SMTNL2: variants seen among roughly 807,000 people sequenced by gnomAD.
SMTNL2 encodes the protein smoothelin-like protein 2.
A neutral mutation model predicts 44.1 loss-of-function variants in SMTNL2; 43 were observed. That is an observed-to-expected ratio of 0.98 (90% CI 0.76 to 1.26). The LOEUF (loss-of-function observed/expected upper bound fraction) is 1.26. Ranked by LOEUF, SMTNL2 falls within the 50% of genes most tolerant of loss-of-function variation. The pLI, the probability that SMTNL2 is intolerant of heterozygous loss-of-function variation, is 0.00. For missense variants in SMTNL2, 646 were observed against 670.2 expected (o/e 0.96, Z 0.40); for synonymous variants, 317 against 287.6 (o/e 1.10, Z -1.03).
At chr17:4,589,080 A>G (rs1057145996) in intron 1 of SMTNL2, among the ~76,000 whole-genome samples, 1 of 152,104 alleles carries the variant, frequency 6.6e-6, no homozygotes, top group Non-Finnish European at 1.5e-5. Context: ...AGCCTGCATT[A>G]GCCCAGCCCC....
chr17:4,606,142 G>A (rs1467632547), intron 7 of SMTNL2, among the ~76,000 whole-genome samples: 1 of 151,544 alleles, frequency 6.6e-6, no homozygotes, highest in African/African-American at 2.4e-5. Flanking sequence ...TTTTTGAGAC[G>A]GAGTCTTTCT....
chr17:4,597,315 C>T lies in SMTNL2; in HGVS notation c.1251C>T (p.Thr417=), dbSNP rs1909861306. The change falls in exon 7 of 8, where the codon ACC becomes ACT. Residue 417 remains threonine, a synonymous_variant. Coordinates refer to ENST00000389313, the MANE Select transcript of SMTNL2 (RefSeq NM_001114974.2). The part of the protein sequence containing the change: ...QRQKNFELAF[T]MAENLANCER... ...AGAAGAACTTCGAGCTGGCTTTCAC[C>T]ATGGCCGAGTGAGTATGGTGGCTCC... 3 of 1,613,840 alleles carry T rather than the reference C, an allele frequency of 1.9e-6. No individual in the cohort carries two copies. In the Admixed American group the frequency reaches 5.0e-5, roughly 27 times the overall value.
Position 4,595,088 on chromosome 17 carries a change from T to A in SMTNL2, c.807-57T>A. The A allele has an allele frequency of 1.2e-6, 2 of 1,610,828 alleles. No homozygotes were observed. Among genetic ancestry groups the A allele is most frequent in the Non-Finnish European group, 1.7e-6 (2 of 1,178,654 alleles). ...TCAGTGCAATGGAGACCTTGGGGCCTGGTGAGCTAGTGATGGCTGCTGGGC... is the reference window on the plus strand; with the variant it reads ...TCAGTGCAATGGAGACCTTGGGGCCAGGTGAGCTAGTGATGGCTGCTGGGC... On this transcript the variant is annotated intron_variant, in intron 4 of 7. Coordinates refer to ENST00000389313, the MANE Select transcript of SMTNL2 (RefSeq NM_001114974.2). This position sits in a 1 kb window ranked among gnomAD's most constrained non-coding sequence, Gnocchi z 5.1.
rs553665001 is a variant in SMTNL2, at chr17:4,588,047, G to A, written c.399+3043G>A. On this transcript the variant is annotated intron_variant, in intron 1 of 7. Transcript: ENST00000389313. Reference sequence around the variant, plus strand: ...CCCGACCATGAAAGAAGCCAGACTCGCCTTATCTGCCTTCCTTTCCCAGAC... The same window carrying A: ...CCCGACCATGAAAGAAGCCAGACTCACCTTATCTGCCTTCCTTTCCCAGAC... Among the ~76,000 whole-genome samples the A allele has an allele frequency of 2.7e-4, 41 of 152,356 alleles. 1 individual carries two copies. The South Asian group carries it at 6.2e-3, about 23-fold the overall frequency.
Position 4,598,303 on chromosome 17 carries a change from C to T in SMTNL2, c.1259+980C>T, listed in dbSNP as rs1303983048. On this transcript the variant is annotated intron_variant, in intron 7 of 7. Coordinates refer to ENST00000389313, the MANE Select transcript of SMTNL2 (RefSeq NM_001114974.2). The surrounding 1 kb of genome is among the most constrained non-coding windows in gnomAD (Gnocchi z 4.8). Reference sequence around the variant, plus strand: ...CAGAGGGCCAGGGCTGTGGTTCATCCTGGCCCCCAGGGCAGGGAGCAGGGC... The same window carrying T: ...CAGAGGGCCAGGGCTGTGGTTCATCTTGGCCCCCAGGGCAGGGAGCAGGGC... 6.6e-6 allele frequency among the ~76,000 whole-genome samples: 1 copy of T among 152,168 alleles called. No individual in the cohort carries two copies. The highest frequency in any genetic ancestry group is 2.4e-5 in the African/African-American group (1 of 41,428).
chr17:4,597,346 G>T, intron 7 of SMTNL2, 23 bp downstream of exon 7: 2 of 1,611,276 alleles, frequency 1.2e-6, no homozygotes, highest in Non-Finnish European at 1.7e-6. Flanking sequence ...GCTCCTGCTG[G>T]CTACCAGCCC....
intron 1 of SMTNL2, among the ~76,000 whole-genome samples, chr17:4,587,973 G>A (rs1909410224): frequency 6.6e-6 from 1 of 152,208 alleles, no homozygotes; most frequent in Non-Finnish European, 1.5e-5. Flanking sequence ...CCCTATGCCC[G>A]AGGCAGCGGA....
At position 4,584,854 on chromosome 17, in the gene SMTNL2, G is replaced by T. The variant is rs1169893033; in HGVS notation, c.249G>T (p.Ala83=). ...QLERLTRQVE[A]LGLASGMSPV... ...AGCGCCTGACGCGCCAGGTGGAGGC[G>T]CTGGGCTTGGCCAGCGGGATGTCCC... The change falls in exon 1 of 8, where the codon GCG becomes GCT. Residue 83 remains alanine, a synonymous_variant. Transcript: ENST00000389313. The T allele has an allele frequency of 1.5e-6, 2 of 1,320,736 alleles. No individual in the cohort carries two copies. The highest frequency in any genetic ancestry group is 3.2e-5 in the East Asian group (1 of 30,772). The allele number at this position is 1,320,736 out of a possible 1,614,324, so 81.8% of individuals were successfully genotyped here.
chr17:4,584,974 C>A lies in SMTNL2; in HGVS notation c.369C>A (p.His123Gln). 7.3e-7 allele frequency: 1 copy of A among 1,377,838 alleles called. No homozygotes were observed. Among genetic ancestry groups the A allele is most frequent in the East Asian group, 3.2e-5 (1 of 31,736 alleles). The allele number at this position is 1,377,838 out of a possible 1,614,324, so 85.4% of individuals were successfully genotyped here. A position where few individuals can be genotyped will look rare whatever the true frequency, so the allele number is the denominator to read the frequency against. ...PRLGSARFAS[H>Q]ATFSLSGRGQ... ...TGGGCAGCGCACGCTTCGCCAGCCACGCCACCTTCTCGCTGTCCGGCCGCG... is the reference window on the plus strand; with the variant it reads ...TGGGCAGCGCACGCTTCGCCAGCCAAGCCACCTTCTCGCTGTCCGGCCGCG... The change falls in exon 1 of 8, where the codon CAC becomes CAA. Residue 123 changes from histidine to glutamine, a missense_variant. Coordinates refer to ENST00000389313, the MANE Select transcript of SMTNL2 (RefSeq NM_001114974.2).
chr17:4,590,829 A>G (rs1416734000), intron 1 of SMTNL2, among the ~76,000 whole-genome samples: 1 of 152,112 alleles, frequency 6.6e-6, no homozygotes, highest in East Asian at 1.9e-4. Flanking sequence ...TGTGCCTGAA[A>G]CACAGAGCCG....
At chr17:4,603,769 G>A (rs1416587284) in intron 7 of SMTNL2, among the ~76,000 whole-genome samples, 1 of 152,128 alleles carries the variant, frequency 6.6e-6, no homozygotes. Context: ...TGGAAAGGAG[G>A]GCACCAGATA....
chr17:4,591,288 A>AAAT (rs1909560773), intron 1 of SMTNL2, among the ~76,000 whole-genome samples: 2 of 152,198 alleles, frequency 1.3e-5, no homozygotes, highest in Admixed American at 1.3e-4. Context: ...CTTGTAGACC[A>AAAT]GGGGGCATCT....
rs746878055 is a variant in SMTNL2, at chr17:4,596,855, C to T, written c.990-5C>T. The T allele has an allele frequency of 2.3e-5, 34 of 1,456,502 alleles. No individual in the cohort carries two copies. The highest frequency in any genetic ancestry group is 4.9e-4 in the Middle Eastern group (2 of 4,070). The allele number at this position is 1,456,502 out of a possible 1,614,324, so 90.2% of individuals were successfully genotyped here. A position where few individuals can be genotyped will look rare whatever the true frequency, so the allele number is the denominator to read the frequency against. On this transcript the variant is annotated splice_polypyrimidine_tract_variant and splice_region_variant and intron_variant, in intron 5 of 7. Coordinates refer to ENST00000389313, the MANE Select transcript of SMTNL2 (RefSeq NM_001114974.2). ...CCCCGCAGCAGGCCTGCCGTCTCTC[C>T]GCAGGGGGAAAGGCGAGGCCCGGGC...
intron 1 of SMTNL2, among the ~76,000 whole-genome samples, chr17:4,586,082 G>C (rs1329747744): frequency 1.3e-5 from 2 of 152,194 alleles, no homozygotes; most frequent in Non-Finnish European, 2.9e-5. Flanking sequence ...AGGGTGGGGT[G>C]GGGGCTGTGC....
intron 7 of SMTNL2, among the ~76,000 whole-genome samples, chr17:4,597,595 G>A (rs1456218129): frequency 1.3e-5 from 2 of 152,198 alleles, no homozygotes; most frequent in Non-Finnish European, 2.9e-5. Context: ...CTTCTGAGGT[G>A]CACTCTGGGA....
chr17:4,607,670 G>T lies in SMTNL2; in HGVS notation c.*183G>T. ...TGTTACTGATTAAAAGTACTGCTGA[G>T]CTGTGGTCCGACAGCACTGATCACA... On this transcript the variant is annotated 3_prime_UTR_variant, in exon 8 of 8. Transcript: ENST00000389313. The surrounding 1 kb of genome is among the most constrained non-coding windows in gnomAD (Gnocchi z 4.7). 2 of 979,364 alleles carry T rather than the reference G, an allele frequency of 2.0e-6. No individual in the cohort carries two copies. The highest frequency in any genetic ancestry group is 2.9e-6 in the Non-Finnish European group (2 of 689,388). The allele number at this position is 979,364 out of a possible 1,614,324, so 60.7% of individuals were successfully genotyped here.
At position 4,607,292 on chromosome 17, in the gene SMTNL2, G is replaced by C; in HGVS notation, c.1260-69G>C. 1.3e-6 allele frequency: 2 copies of C among 1,596,022 alleles called. No homozygotes were observed. Among genetic ancestry groups the C allele is most frequent in the Non-Finnish European group, 1.7e-6 (2 of 1,170,194 alleles). On this transcript the variant is annotated intron_variant, in intron 7 of 7. Transcript: ENST00000389313. The surrounding 1 kb of genome is among the most constrained non-coding windows in gnomAD (Gnocchi z 4.7). ...GCTCTGTTCCCGGGACCGAGACACC[G>C]GCCCTGTCGCGGCTGTGGGGCTGGC...
At chr17:4,590,027 T>G (rs958283064) in intron 1 of SMTNL2, among the ~76,000 whole-genome samples, 1 of 128,906 alleles carries the variant, frequency 7.8e-6, no homozygotes, top group Non-Finnish European at 1.6e-5. Flanking sequence ...AGTGCAGTGG[T>G]GCAATCTTGG....
At chr17:4,589,456 C>A (rs573959714) in intron 1 of SMTNL2, among the ~76,000 whole-genome samples, 3 of 152,134 alleles carry the variant, frequency 2.0e-5, no homozygotes. Context: ...ACGGCCGCAG[C>A]GTGGCTCTAG....
Sources: allele counts gnomAD v4.1 joint callset (sites outside exome capture counted in the v4.1 genomes callset), GRCh38; gene constraint gnomAD v4.1.1; non-coding constraint Gnocchi (gnomAD v3.1); transcripts MANE v1.5; gene names NCBI Gene and HGNC (gene_info 2026-07-23, HGNC 2026-07-21).